The following ZNF608 variants were observed in gnomAD, a reference collection of about 807,000 sequenced individuals.
ZNF608 encodes renal carcinoma antigen NY-REN-36.
A neutral mutation model predicts 109.0 loss-of-function variants in ZNF608; 12 were observed. That is an observed-to-expected ratio of 0.11 (90% CI 0.07 to 0.18). The LOEUF is 0.18. Ranked by LOEUF, ZNF608 falls within the 10% of genes least tolerant of loss-of-function variation. ZNF608 has a pLI of 1.00. For synonymous variants in ZNF608, 732 were observed against 717.4 expected (o/e 1.02, Z -0.33); for missense variants, 1,707 against 1,879.3 (o/e 0.91, Z 1.70).
intron 3 of ZNF608, among the ~76,000 whole-genome samples, chr5:124,686,506 T>C (rs1438578686): frequency 9.2e-5 from 14 of 152,220 alleles, no homozygotes; most frequent in Admixed American, 9.2e-4. Flanking sequence ...CTCTTCTGTG[T>C]TTCTGGTACC....
In ZNF608 at chr5:124,647,535, C is replaced by G; in HGVS notation, c.2849G>C (p.Gly950Ala). ...CATACCCTCCGACCTGCTGTCAGAA[C>G]CACCATCGTCAGCAGCATCAGATAT... is the stretch of plus-strand genomic sequence containing the variant. The part of the protein sequence containing the change: ...SDISDAADDG[G>A]SDSRSEGMRS... Residue 950 changes from glycine to alanine, a missense_variant, in exon 5 of 10, where the codon GGT (glycine) becomes GCT (alanine). Physicochemically the swap from Gly to Ala is moderately conservative, Grantham distance 60. Around this residue, in one of 7 missense-constraint regions of ZNF608, gnomAD observed 1,073 missense variants for 1,133.5 expected, o/e 0.95. Coordinates refer to ENST00000513986, the MANE Select transcript of ZNF608 (RefSeq NM_020747.3). The G allele has an allele frequency of 6.2e-7, 1 of 1,614,214 alleles. No homozygotes were observed. The highest frequency in any genetic ancestry group is 8.5e-7 in the Non-Finnish European group (1 of 1,180,030).
chr5:124,724,914 G>T (rs1754078428), intron 2 of ZNF608, among the ~76,000 whole-genome samples: 5 of 152,062 alleles, frequency 3.3e-5, no homozygotes, highest in African/African-American at 2.4e-5. Flanking sequence ...TCCCTCCTCT[G>T]CGCAAAGCCC....
Position 124,647,419 on chromosome 5 carries a change from G to A in ZNF608, c.2965C>T (p.Leu989=). The part of the protein sequence containing the change: ...HSSTTAQSSQ[L]KESHSPYYHS... ...TAATAGGGAGAATGGGACTCTTTCA[G>A]TTGAGATGATTGTGCTGTAGTTGAA... The change falls in exon 5 of 10, where the codon CTG becomes TTG. Residue 989 remains leucine (L), a synonymous_variant. Transcript: ENST00000513986. 1 of 1,614,218 alleles carries A rather than the reference G, an allele frequency of 6.2e-7. No homozygotes were observed. The highest frequency in any genetic ancestry group is 2.2e-5 in the East Asian group (1 of 44,886).
At chr5:124,652,860 T>A (rs1278413641) in intron 3 of ZNF608, among the ~76,000 whole-genome samples, 1 of 152,256 alleles carries the variant, frequency 6.6e-6, no homozygotes, top group Non-Finnish European at 1.5e-5. Flanking sequence ...ATTTTATAAA[T>A]CTGGGCATAA....
At chr5:124,709,239 G>A (rs1044056824) in intron 2 of ZNF608, among the ~76,000 whole-genome samples, 1 of 149,936 alleles carries the variant, frequency 6.7e-6, no homozygotes, top group Non-Finnish European at 1.5e-5. Context: ...GGAGAGGAAA[G>A]GGGGTCACTG....
chr5:124,748,150 T>C (rs1749705855), upstream of ZNF608, among the ~76,000 whole-genome samples: 1 of 152,200 alleles, frequency 6.6e-6, no homozygotes, highest in South Asian at 2.1e-4. Context: ...CGGCTTGTTC[T>C]GCCCTTGCCC....
chr5:124,742,400 A>G (rs1040575509), intron 2 of ZNF608, among the ~76,000 whole-genome samples: 3 of 152,156 alleles, frequency 2.0e-5, no homozygotes, highest in East Asian at 1.9e-4. Context: ...AATGGCTCTG[A>G]CTCCTTAACC....
chr5:124,672,970 C>G (rs995123060), intron 3 of ZNF608, among the ~76,000 whole-genome samples: 1 of 152,098 alleles, frequency 6.6e-6, no homozygotes, highest in East Asian at 1.9e-4. Flanking sequence ...TAAGGTGACT[C>G]TCAAAGAAAC....
At chr5:124,748,506 A>G, upstream of ZNF608, 3 of 982,366 alleles carry the variant, frequency 3.1e-6, no homozygotes, top group Non-Finnish European at 3.6e-6. Context: ...AGTGCTATAT[A>G]GAGACACACC....
chr5:124,744,061 C>G lies in ZNF608; in HGVS notation c.906+23G>C, dbSNP rs1749535058. ...ATGCACACAGAGGAGAGTAGGACAT[C>G]TAGGAAGGCGACTTTATCCTACCTT... is the stretch of plus-strand genomic sequence containing the variant. On this transcript the variant is annotated intron_variant, in intron 2 of 9. Transcript: ENST00000513986. The surrounding 1 kb of genome is among the most constrained non-coding windows in gnomAD (Gnocchi z 4.5). The G allele has an allele frequency of 1.9e-6, 3 of 1,560,202 alleles. No homozygotes were observed. The highest frequency in any genetic ancestry group is 1.7e-6 in the Non-Finnish European group (2 of 1,152,964).
intron 8 of ZNF608, 88 bp downstream of exon 8, chr5:124,641,164 T>C (rs1158584143): frequency 6.4e-7 from 1 of 1,556,650 alleles, no homozygotes; most frequent in Admixed American, 1.7e-5. Context: ...AACTCAAAGC[T>C]CAATATTTTT....
intron 3 of ZNF608, among the ~76,000 whole-genome samples, chr5:124,677,154 C>A (rs1349475639): frequency 6.6e-6 from 1 of 152,044 alleles, no homozygotes; most frequent in Non-Finnish European, 1.5e-5. Context: ...AGATCTTCAC[C>A]CAGATACATT....
At chr5:124,663,000 A>T (rs886352250) in intron 3 of ZNF608, among the ~76,000 whole-genome samples, 3 of 152,244 alleles carry the variant, frequency 2.0e-5, no homozygotes, top group African/African-American at 7.2e-5. Context: ...GGGGATTAGT[A>T]TATAGGGCAG....
chr5:124,678,720 G>A (rs1752069114), intron 3 of ZNF608, among the ~76,000 whole-genome samples: 1 of 152,166 alleles, frequency 6.6e-6, no homozygotes, highest in South Asian at 2.1e-4. Context: ...TCTGCCCAGG[G>A]CCCATGAGCC....
intron 2 of ZNF608, among the ~76,000 whole-genome samples, chr5:124,714,198 T>C (rs1199874133): frequency 6.6e-6 from 1 of 152,200 alleles, no homozygotes; most frequent in Admixed American, 6.5e-5. Context: ...AACCATCCTA[T>C]GTAATTGCAA....
chr5:124,679,161 A>G (rs1054611611), intron 3 of ZNF608, among the ~76,000 whole-genome samples: 28 of 152,326 alleles, frequency 1.8e-4, no homozygotes, highest in African/African-American at 6.3e-4. Context: ...TTAAGGATAT[A>G]AAAACGTTTC....
At position 124,744,601 on chromosome 5, in the gene ZNF608, A is replaced by G. The variant is rs1749566379; in HGVS notation, c.389T>C (p.Ile130Thr). 1 of 1,613,996 alleles carries G rather than the reference A, an allele frequency of 6.2e-7. No homozygotes were observed. Among genetic ancestry groups the G allele is most frequent in the Admixed American group, 1.7e-5 (1 of 60,006 alleles). ...TTCCTGCCTCTTGCCAGTGCTGCTG[A>G]TCTCGGGAATCCCATACAAGGCAGC... The part of the protein sequence containing the change: ...PSAALYGIPE[I>T]SSTGKRQEVQ... The change falls in exon 2 of 10, where the codon ATC becomes ACC. Residue 130 changes from isoleucine (I) to threonine (T), a missense_variant. Transcript: ENST00000513986. This position sits in a 1 kb window ranked among gnomAD's most constrained non-coding sequence, Gnocchi z 4.5.
intron 3 of ZNF608, among the ~76,000 whole-genome samples, chr5:124,658,354 GAC>G (rs111670775): frequency 1.8e-3 from 272 of 152,316 alleles, no homozygotes; most frequent in African/African-American, 6.4e-3. Context: ...AGTCTTCTGA[GAC>G]AGACATTTGG....
At chr5:124,643,777 G>C in intron 6 of ZNF608, 94 bp from the exon 7 acceptor site, 1 of 1,296,118 alleles carries the variant, frequency 7.7e-7, no homozygotes, top group Non-Finnish European at 1.1e-6. Context: ...GAGTCAAAGA[G>C]ATCTTAAAAT....
Sources: gnomAD v4.1 joint callset for allele counts (sites outside exome capture counted in the v4.1 genomes callset) on GRCh38, gnomAD v4.1.1 for gene constraint, gnomAD v4.1.1 regional missense constraint, Gnocchi (gnomAD v3.1) non-coding constraint, MANE v1.5 for transcripts, NCBI Gene and HGNC (gene_info 2026-07-23, HGNC 2026-07-21) for gene names.